Variants in RPTOR observed in about 807,000 individuals in gnomAD.
The protein encoded by RPTOR is regulatory-associated protein of mTOR.
RPTOR carries 21 observed loss-of-function variants against 169.9 expected under a neutral mutation model. The observed-to-expected ratio is 0.12, with a 90% CI of 0.09 to 0.18. The LOEUF is 0.18. Among genes scored for constraint, RPTOR ranks in the 10% least tolerant of loss-of-function variants. The pLI is 1.00. For synonymous variants in RPTOR, 732 were observed against 753.2 expected (o/e 0.97, Z 0.46); for missense variants, 1,133 against 1,855.9 (o/e 0.61, Z 7.16).
At position 80,936,707 on chromosome 17, in the gene RPTOR, G is replaced by T. The variant is rs957368292; in HGVS notation, c.2920-3789G>T. On this transcript the variant is annotated intron_variant, in intron 24 of 33. Coordinates refer to ENST00000306801, the MANE Select transcript of RPTOR (RefSeq NM_020761.3). The surrounding 1 kb of genome is among the most constrained non-coding windows in gnomAD (Gnocchi z 4.1). ...AACTCCGCCTGTACCTACAGAGGGCGAAATTCACTGTACGTAAGTTACATC... is the reference window on the plus strand; with the variant it reads ...AACTCCGCCTGTACCTACAGAGGGCTAAATTCACTGTACGTAAGTTACATC... Among the ~76,000 whole-genome samples, 5 of 152,230 alleles carry T rather than the reference G, an allele frequency of 3.3e-5. No homozygotes were observed. The highest frequency in any genetic ancestry group is 7.3e-5 in the Non-Finnish European group (5 of 68,042).
chr17:80,744,340 C>G (rs1274540056), intron 5 of RPTOR, among the ~76,000 whole-genome samples: 5 of 98,354 alleles, frequency 5.1e-5, no homozygotes, highest in African/African-American at 1.4e-4. Context: ...GCTACTAGCA[C>G]AGCCCTGGCT....
intron 1 of RPTOR, among the ~76,000 whole-genome samples, chr17:80,596,357 A>C (rs2065144734): frequency 6.6e-6 from 1 of 152,202 alleles, no homozygotes; most frequent in East Asian, 1.9e-4. Flanking sequence ...CTGTGTGGTT[A>C]AATTTTCCCT....
At chr17:80,735,911 C>G (rs1267283662) in intron 5 of RPTOR, among the ~76,000 whole-genome samples, 1 of 152,134 alleles carries the variant, frequency 6.6e-6, no homozygotes, top group African/African-American at 2.4e-5. Context: ...GTGGCTCACG[C>G]CTGTAATCCC....
At position 80,643,594 on chromosome 17, in the gene RPTOR, A is replaced by G. The variant is rs79232956; in HGVS notation, c.266-134A>G. 1.2e-3 allele frequency: 792 copies of G among 638,274 alleles called. 9 individuals carry two copies. In the East Asian group the frequency reaches 0.018, roughly 14 times the overall value. The allele number at this position is 638,274 out of a possible 1,614,324, so 39.5% of individuals were successfully genotyped here. Reference sequence around the variant, plus strand: ...CAGTAAATCTGGTTAACACTGATCAACCTTAGGCGTTGTGTTACTTTTAGT... The same window carrying G: ...CAGTAAATCTGGTTAACACTGATCAGCCTTAGGCGTTGTGTTACTTTTAGT... On this transcript the variant is annotated intron_variant, in intron 2 of 33. Transcript: ENST00000306801.
Position 80,936,240 on chromosome 17 carries a change from C to G in RPTOR, c.2920-4256C>G, listed in dbSNP as rs1182501723. 6.6e-6 allele frequency among the ~76,000 whole-genome samples: 1 copy of G among 152,228 alleles called. No individual in the cohort carries two copies. Reference sequence around the variant, plus strand: ...AGGGACACGGAGCATCTGAAACCCTCATTCTTGGCTACTGCAACTACAAGA... The same window carrying G: ...AGGGACACGGAGCATCTGAAACCCTGATTCTTGGCTACTGCAACTACAAGA... On this transcript the variant is annotated intron_variant, in intron 24 of 33. Transcript: ENST00000306801. This position sits in a 1 kb window ranked among gnomAD's most constrained non-coding sequence, Gnocchi z 4.1.
intron 6 of RPTOR, among the ~76,000 whole-genome samples, chr17:80,768,724 A>T (rs2066812961): frequency 6.6e-6 from 1 of 152,132 alleles, no homozygotes; most frequent in Non-Finnish European, 1.5e-5. Flanking sequence ...TCCCCATCAC[A>T]CGGTGACATA....
In RPTOR at chr17:80,630,220, T is replaced by C. The variant is rs114289663; in HGVS notation, c.265+4427T>C. 1.2e-3 allele frequency among the ~76,000 whole-genome samples: 185 copies of C among 152,352 alleles called. 1 individual carries two copies. The highest frequency in any genetic ancestry group is 1.9e-3 in the Non-Finnish European group (129 of 68,032). ...TTGACTGTAATTTGCTTTTCCTTGCTTTTTTTGTGCTTTATAAATTTTAAT... is the reference window on the plus strand; with the variant it reads ...TTGACTGTAATTTGCTTTTCCTTGCCTTTTTTGTGCTTTATAAATTTTAAT... On this transcript the variant is annotated intron_variant, in intron 2 of 33. Transcript: ENST00000306801.
chr17:80,812,961 A>T (rs959340087), intron 7 of RPTOR, among the ~76,000 whole-genome samples: 4 of 152,284 alleles, frequency 2.6e-5, no homozygotes, highest in Middle Eastern at 6.8e-3. Flanking sequence ...CCAGCCTTCC[A>T]TGTCCAGCTG....
At chr17:80,733,986 T>C (rs2066414178) in intron 5 of RPTOR, among the ~76,000 whole-genome samples, 1 of 152,230 alleles carries the variant, frequency 6.6e-6, no homozygotes, top group Non-Finnish European at 1.5e-5. Flanking sequence ...ATCTGCACTT[T>C]CTGTGATTGT....
At chr17:80,777,564 G>A (rs1357839463) in intron 6 of RPTOR, among the ~76,000 whole-genome samples, 1 of 148,812 alleles carries the variant, frequency 6.7e-6, no homozygotes, top group Non-Finnish European at 1.5e-5. Flanking sequence ...TTTTTGAGAT[G>A]GAGTCCTTTG....
In RPTOR at chr17:80,726,684, G is replaced by T. The variant is rs995293848; in HGVS notation, c.508-3876G>T. Among the ~76,000 whole-genome samples, 3 of 152,132 alleles carry T rather than the reference G, an allele frequency of 2.0e-5. No individual in the cohort carries two copies. The highest frequency in any genetic ancestry group is 7.2e-5 in the African/African-American group (3 of 41,422). On this transcript the variant is annotated intron_variant, in intron 4 of 33. Transcript: ENST00000306801. This position sits in a 1 kb window ranked among gnomAD's most constrained non-coding sequence, Gnocchi z 4.5. The stretch of plus-strand genomic sequence containing the variant: ...GTGGCGCAGAGGACGTTGTGAGGTG[G>T]CTGTAGGGTCAGGTGGCTGTAGGGT...
chr17:80,742,494 T>G (rs531687294), intron 5 of RPTOR, among the ~76,000 whole-genome samples: 15 of 151,918 alleles, frequency 9.9e-5, no homozygotes, highest in African/African-American at 2.7e-4. Context: ...TACAGACATG[T>G]ACACATACAC....
intron 9 of RPTOR, among the ~76,000 whole-genome samples, chr17:80,827,466 C>T (rs1464214769): frequency 5.9e-5 from 9 of 152,214 alleles, no homozygotes; most frequent in African/African-American, 2.2e-4. Flanking sequence ...AGCTTGGCCT[C>T]CCACCACTCA....
intron 9 of RPTOR, among the ~76,000 whole-genome samples, chr17:80,831,094 A>G (rs1000445048): frequency 6.6e-6 from 1 of 152,178 alleles, no homozygotes; most frequent in African/African-American, 2.4e-5. Flanking sequence ...GAGATTCCAT[A>G]GCAGCCGTGT....
At chr17:80,891,578 A>G in intron 17 of RPTOR, 142 bp from the exon 18 acceptor site, 2 of 660,338 alleles carry the variant, frequency 3.0e-6, no homozygotes, top group Non-Finnish European at 5.4e-6. Context: ...CGGTTCGAAA[A>G]GGGATGGTCC....
intron 1 of RPTOR, among the ~76,000 whole-genome samples, chr17:80,553,954 C>G (rs1255169890): frequency 2.0e-5 from 3 of 152,118 alleles, no homozygotes; most frequent in Non-Finnish European, 2.9e-5. Flanking sequence ...ATTGGCCAGG[C>G]TGGTCTCGAA....
intron 3 of RPTOR, among the ~76,000 whole-genome samples, chr17:80,654,559 G>C (rs993228122): frequency 6.6e-6 from 1 of 152,242 alleles, no homozygotes; most frequent in Non-Finnish European, 1.5e-5. Context: ...AGGATTTAAA[G>C]CGCATAGCAG....
At chr17:80,816,255 C>T (rs538916825) in intron 7 of RPTOR, among the ~76,000 whole-genome samples, 6 of 152,330 alleles carry the variant, frequency 3.9e-5, no homozygotes, top group South Asian at 2.1e-4. Context: ...GCTGTCTGGA[C>T]GCCTGGCAGG....
chr17:80,554,491 C>T (rs562002415), intron 1 of RPTOR, among the ~76,000 whole-genome samples: 4 of 152,108 alleles, frequency 2.6e-5, no homozygotes, highest in East Asian at 3.9e-4. Context: ...CACCTGTAAT[C>T]CCAGCACTTT....
Sources: allele counts gnomAD v4.1 joint callset (sites outside exome capture counted in the v4.1 genomes callset), GRCh38; gene constraint gnomAD v4.1.1; non-coding constraint Gnocchi (gnomAD v3.1); transcripts MANE v1.5; gene names NCBI Gene and HGNC (gene_info 2026-07-23, HGNC 2026-07-21).